The following SCHIP1 variants were observed in gnomAD, a reference collection of about 807,000 sequenced individuals.
SCHIP1 encodes schwannomin interacting protein 1.
A neutral mutation model predicts 29.7 loss-of-function variants in SCHIP1; 8 were observed. That is an observed-to-expected ratio of 0.27 (90% CI 0.16 to 0.49). The LOEUF is 0.49. SCHIP1 is among the 20% of genes least tolerant of loss of function. The pLI, the probability that SCHIP1 is intolerant of heterozygous loss-of-function variation, is 0.99. For synonymous variants in SCHIP1, 76 were observed against 94.9 expected (o/e 0.80, Z 1.16); for missense variants, 193 against 294.6 (o/e 0.66, Z 2.52).
chr3:159,297,124 C>T, the SCHIP1 span, among the ~76,000 whole-genome samples: 3 of 100,846 alleles, frequency 3.0e-5, no homozygotes, highest in African/African-American at 1.2e-4. Flanking sequence ...AGTAATATTC[C>T]ATTGTGTGTG....
the SCHIP1 span, among the ~76,000 whole-genome samples, chr3:159,333,806 G>A: frequency 6.9e-6 from 1 of 144,272 alleles, no homozygotes; most frequent in Non-Finnish European, 1.5e-5. Context: ...ATATTAAATT[G>A]GAGACAGGAA....
the SCHIP1 span, among the ~76,000 whole-genome samples, chr3:159,315,780 A>G: frequency 6.6e-6 from 1 of 152,142 alleles, no homozygotes; most frequent in African/African-American, 2.4e-5. Flanking sequence ...TTTGTTTTGT[A>G]GAGTAGAACA....
At chr3:159,814,313 C>T in the SCHIP1 span, among the ~76,000 whole-genome samples, 1 of 152,222 alleles carries the variant, frequency 6.6e-6, no homozygotes, top group African/African-American at 2.4e-5. Flanking sequence ...CAGCCTCTCC[C>T]TCTGCCCTGT....
At chr3:159,889,323 C>T (rs1717262982) in intron 5 of SCHIP1, among the ~76,000 whole-genome samples, 1 of 152,150 alleles carries the variant, frequency 6.6e-6, no homozygotes, top group Non-Finnish European at 1.5e-5. Context: ...TCATCATCAT[C>T]AATAAAATCA....
At chr3:159,765,169 GCA>G in the SCHIP1 span, 14 of 1,535,234 alleles carry the variant, frequency 9.1e-6, no homozygotes, top group Admixed American at 2.0e-5. Flanking sequence ...GCCCACGCGC[GCA>G]CACACGCGTA....
chr3:159,441,240 G>T, the SCHIP1 span, among the ~76,000 whole-genome samples: 1 of 152,114 alleles, frequency 6.6e-6, no homozygotes, highest in Non-Finnish European at 1.5e-5. Flanking sequence ...TGATTCTACA[G>T]GTTACATGTT....
At chr3:159,468,777 A>ATATATTTTT in the SCHIP1 span, among the ~76,000 whole-genome samples, 2 of 127,350 alleles carry the variant, frequency 1.6e-5, no homozygotes, top group African/African-American at 6.1e-5. Flanking sequence ...ATATATATAT[A>ATATATTTTT]TTTTTTTTAG....
At chr3:159,680,669 AT>A in the SCHIP1 span, among the ~76,000 whole-genome samples, 5 of 11,816 alleles carry the variant, frequency 4.2e-4, no homozygotes, top group African/African-American at 8.6e-4. Flanking sequence ...TAAAATATAT[AT>A]TATATATATA....
the SCHIP1 span, among the ~76,000 whole-genome samples, chr3:159,437,127 A>G: frequency 3.9e-5 from 6 of 152,104 alleles, no homozygotes; most frequent in Non-Finnish European, 1.5e-5. Flanking sequence ...CAAGCTCCTT[A>G]GTGTATAAAG....
the SCHIP1 span, among the ~76,000 whole-genome samples, chr3:159,468,748 TATAATATA>T: frequency 5.7e-4 from 66 of 115,796 alleles, no homozygotes; most frequent in African/African-American, 1.7e-3. Flanking sequence ...ATATATAATA[TATAATATA>T]ATATATATAT....
the SCHIP1 span, among the ~76,000 whole-genome samples, chr3:159,778,196 TG>T: frequency 6.8e-6 from 1 of 147,828 alleles, no homozygotes; most frequent in East Asian, 2.0e-4. Context: ...GGTTTCACCA[TG>T]TTAGCCAGGA....
At chr3:159,568,696 G>A in the SCHIP1 span, among the ~76,000 whole-genome samples, 1 of 152,108 alleles carries the variant, frequency 6.6e-6, no homozygotes, top group Non-Finnish European at 1.5e-5. Flanking sequence ...GTGCAAGTCT[G>A]TGTGTGTGCA....
At chr3:159,379,870 C>A in the SCHIP1 span, among the ~76,000 whole-genome samples, 1 of 152,146 alleles carries the variant, frequency 6.6e-6, no homozygotes, top group Non-Finnish European at 1.5e-5. Flanking sequence ...TCCGTGTTCT[C>A]GCCTAGCTCT....
At chr3:159,508,510 C>A in the SCHIP1 span, among the ~76,000 whole-genome samples, 11 of 152,232 alleles carry the variant, frequency 7.2e-5, no homozygotes, top group African/African-American at 2.6e-4. Flanking sequence ...CTTCTGCTAG[C>A]TTTTGAATGT....
the SCHIP1 span, among the ~76,000 whole-genome samples, chr3:159,545,696 T>C: frequency 6.8e-6 from 1 of 147,644 alleles, no homozygotes; most frequent in Non-Finnish European, 1.5e-5. Context: ...TATAATAAAA[T>C]TGTACATCTT....
the SCHIP1 span, among the ~76,000 whole-genome samples, chr3:159,654,107 A>C: frequency 2.6e-5 from 4 of 152,310 alleles, no homozygotes; most frequent in South Asian, 8.3e-4. Flanking sequence ...ACAAATAATT[A>C]GGAAGATATT....
chr3:159,510,229 C>A, the SCHIP1 span, among the ~76,000 whole-genome samples: 79,540 of 151,968 alleles, frequency 0.52, 21,125 homozygotes, highest in East Asian at 0.68. Context: ...GATCTTCCTT[C>A]ACTGATACCC....
chr3:159,351,560 ATTTAAAATTTTTATCTTAT>A, the SCHIP1 span, among the ~76,000 whole-genome samples: 48 of 152,148 alleles, frequency 3.2e-4, no homozygotes, highest in South Asian at 1.2e-3. Flanking sequence ...TAATATTTCT[ATTTAAAATTTTTATCTTAT>A]TTTAAAATTT....
the SCHIP1 span, among the ~76,000 whole-genome samples, chr3:159,817,094 T>C: frequency 6.6e-6 from 1 of 152,212 alleles, no homozygotes; most frequent in Non-Finnish European, 1.5e-5. Flanking sequence ...TTGAGCCTGT[T>C]ACCATGCCTG....
Sources: gnomAD v4.1 joint callset for allele counts (sites outside exome capture counted in the v4.1 genomes callset) on GRCh38, gnomAD v4.1.1 for gene constraint, MANE v1.5 for transcripts, NCBI Gene and HGNC (gene_info 2026-07-23, HGNC 2026-07-21) for gene names.